Variants in PAX5 observed in about 807,000 individuals in gnomAD.
The protein encoded by PAX5 is paired box protein Pax-5.
In PAX5, 9 loss-of-function variants were observed where a neutral mutation model predicts 43.7. That is an observed-to-expected ratio of 0.21 (90% CI 0.12 to 0.36). The LOEUF is 0.36. Among genes scored for constraint, PAX5 ranks in the 10% least tolerant of loss-of-function variants. PAX5 has a pLI of 1.00. For missense variants in PAX5, 383 were observed against 532.7 expected, an observed-to-expected ratio of 0.72 and a Z score of 2.77; for synonymous variants, 228 against 214.3, an observed-to-expected ratio of 1.06 and a Z score of -0.56.
In PAX5 at chr9:36,942,955, G is replaced by T. The variant is rs77485775; in HGVS notation, c.781-19471C>A. On this transcript the variant is annotated intron_variant, in intron 6 of 9. Coordinates refer to ENST00000358127, the MANE Select transcript of PAX5 (RefSeq NM_016734.3). ...TGCAAGTGCCTCAGCCTTTAACCAT[G>T]GAGCGTAACACCCGCTGACCCTTGT... is the stretch of plus-strand genomic sequence containing the variant. 1.3e-3 allele frequency among the ~76,000 whole-genome samples: 195 copies of T among 152,296 alleles called. 1 individual carries two copies. The highest frequency in any genetic ancestry group is 0.01 in the Admixed American group (155 of 15,296).
At chr9:37,028,814 G>T (rs1048674951) in intron 1 of PAX5, among the ~76,000 whole-genome samples, 1 of 152,246 alleles carries the variant, frequency 6.6e-6, no homozygotes, top group Non-Finnish European at 1.5e-5. Context: ...CCTCTACAGG[G>T]GAAGTTCCTG....
chr9:36,870,711 C>T (rs1054477386), intron 8 of PAX5, among the ~76,000 whole-genome samples: 1 of 152,226 alleles, frequency 6.6e-6, no homozygotes, highest in South Asian at 2.1e-4. Context: ...CTCTCCAGGG[C>T]CCTGCACTTT....
At chr9:36,921,370 A>G (rs1222453301) in intron 7 of PAX5, among the ~76,000 whole-genome samples, 1 of 152,164 alleles carries the variant, frequency 6.6e-6, no homozygotes, top group Non-Finnish European at 1.5e-5. Context: ...ACCCTTTTAC[A>G]GATGGAGAAA....
intron 8 of PAX5, among the ~76,000 whole-genome samples, chr9:36,870,969 G>C (rs1234741902): frequency 6.6e-6 from 1 of 152,162 alleles, no homozygotes; most frequent in Non-Finnish European, 1.5e-5. Flanking sequence ...GCTCCTCCTA[G>C]GACTTCAGCC....
Position 37,007,585 on chromosome 9 carries a change from T to C in PAX5, c.411-1048A>G, listed in dbSNP as rs950395515. Reference sequence around the variant, plus strand: ...TCGGATCTACCAGAAAGCTCCTTCCTTGGCATTTGGGAGAAGAGTGGGTCA... The same window carrying C: ...TCGGATCTACCAGAAAGCTCCTTCCCTGGCATTTGGGAGAAGAGTGGGTCA... On this transcript the variant is annotated intron_variant, in intron 3 of 9. Coordinates refer to ENST00000358127, the MANE Select transcript of PAX5 (RefSeq NM_016734.3). 4.6e-5 allele frequency: 7 copies of C among 152,320 alleles called. No homozygotes were observed. In the South Asian group the frequency reaches 1.4e-3, roughly 32 times the overall value. 9.4% of individuals were successfully genotyped at this position (152,320 alleles called of 1,614,324 possible).
chr9:36,915,317 T>C (rs1163739314), intron 7 of PAX5, among the ~76,000 whole-genome samples: 4 of 152,250 alleles, frequency 2.6e-5, no homozygotes, highest in African/African-American at 9.6e-5. Context: ...TGCATCAATG[T>C]ATGCTCTTAT....
intron 7 of PAX5, among the ~76,000 whole-genome samples, chr9:36,898,651 C>T (rs12342013): frequency 0.019 from 2,925 of 152,336 alleles, 98 homozygotes; most frequent in African/African-American, 0.067. Context: ...CTCGGATGCA[C>T]ATTATGCGCG....
At chr9:36,889,428 C>T (rs767590012) in intron 7 of PAX5, among the ~76,000 whole-genome samples, 2 of 152,226 alleles carry the variant, frequency 1.3e-5, no homozygotes, top group Non-Finnish European at 2.9e-5. Flanking sequence ...ATTCACTCTG[C>T]TTTGTAAATA....
chr9:36,973,168 A>C (rs1401976742), intron 5 of PAX5, among the ~76,000 whole-genome samples: 2 of 121,488 alleles, frequency 1.6e-5, no homozygotes, highest in African/African-American at 5.8e-5. Flanking sequence ...AGGAAAGGAA[A>C]GGAAAGGAAA....
intron 7 of PAX5, among the ~76,000 whole-genome samples, chr9:36,906,692 C>A (rs1030117705): frequency 6.6e-6 from 1 of 152,230 alleles, no homozygotes; most frequent in Non-Finnish European, 1.5e-5. Context: ...CAGATCCCCC[C>A]GCAAGCTCTC....
At chr9:37,017,448 C>T (rs1253456471) in intron 2 of PAX5, among the ~76,000 whole-genome samples, 2 of 152,164 alleles carry the variant, frequency 1.3e-5, no homozygotes, top group Non-Finnish European at 2.9e-5. Context: ...AATAATGACC[C>T]CTTGCAATTG....
intron 6 of PAX5, among the ~76,000 whole-genome samples, chr9:36,928,858 C>G (rs1830874579): frequency 6.6e-6 from 1 of 152,216 alleles, no homozygotes; most frequent in Admixed American, 6.5e-5. Context: ...ACACTGCCCA[C>G]TAGAATATTC....
chr9:36,968,606 T>TA (rs1182010302), intron 5 of PAX5, among the ~76,000 whole-genome samples: 1 of 98,030 alleles, frequency 1.0e-5, no homozygotes, highest in Non-Finnish European at 2.6e-5. Context: ...AGTGACCAGA[T>TA]ACCCCCACAT....
intron 5 of PAX5, among the ~76,000 whole-genome samples, chr9:36,991,285 G>A (rs1225735028): frequency 3.9e-5 from 6 of 152,128 alleles, no homozygotes; most frequent in African/African-American, 1.4e-4. Flanking sequence ...AAGGTCACAT[G>A]GCTGACAGAA....
intron 6 of PAX5, among the ~76,000 whole-genome samples, chr9:36,950,207 G>T (rs1449843024): frequency 6.6e-6 from 1 of 152,148 alleles, no homozygotes; most frequent in African/African-American, 2.4e-5. Flanking sequence ...AGCCTGAAAT[G>T]AAAACATCAC....
chr9:36,893,983 G>A (rs1424608085), intron 7 of PAX5, among the ~76,000 whole-genome samples: 2 of 152,184 alleles, frequency 1.3e-5, no homozygotes, highest in Non-Finnish European at 2.9e-5. Context: ...CTGTCCATCT[G>A]GGTCCAGAGT....
chr9:36,943,529 TACACACACACAC>T (rs1554668821), intron 6 of PAX5, among the ~76,000 whole-genome samples: 8 of 145,912 alleles, frequency 5.5e-5, no homozygotes, highest in South Asian at 2.3e-4. Flanking sequence ...TAGTTCAACA[TACACACACACAC>T]ACACACACAC....
At chr9:37,006,702 C>G (rs1838425043) in intron 3 of PAX5, among the ~76,000 whole-genome samples, 165 bp from the exon 4 acceptor site, 1 of 152,188 alleles carries the variant, frequency 6.6e-6, no homozygotes, top group Non-Finnish European at 1.5e-5. Context: ...AGGCTGGAAT[C>G]AGGAGGGTGG....
intron 3 of PAX5, among the ~76,000 whole-genome samples, chr9:37,013,008 G>T (rs1839078585): frequency 2.6e-5 from 4 of 152,096 alleles, no homozygotes; most frequent in Admixed American, 2.6e-4. Context: ...CCAGCACTTT[G>T]GGAGGCTGAG....
Sources: gnomAD v4.1 joint callset for allele counts (sites outside exome capture counted in the v4.1 genomes callset) on GRCh38, gnomAD v4.1.1 for gene constraint, MANE v1.5 for transcripts, NCBI Gene and HGNC (gene_info 2026-07-23, HGNC 2026-07-21) for gene names.